LMBR1: variants seen among roughly 807,000 people sequenced by gnomAD.
LMBR1 encodes the protein limb region 1 protein homolog.
LMBR1 carries 52 observed loss-of-function variants against 73.9 expected under a neutral mutation model. The ratio of observed to expected loss-of-function variants is 0.70; its 90% CI spans 0.56 to 0.89. LMBR1 has a LOEUF of 0.89. LMBR1 is among the 40% of genes least tolerant of loss of function. The probability of loss-of-function intolerance (pLI) is 0.00; values close to 1 mark genes in which losing one functional copy is unlikely to be tolerated. For missense variants in LMBR1, 539 were observed against 579.8 expected (o/e 0.93, Z 0.72); for synonymous variants, 215 against 209.4 (o/e 1.03, Z -0.23).
At chr7:156,855,530 G>C (rs1355194613) in intron 1 of LMBR1, among the ~76,000 whole-genome samples, 1 of 151,924 alleles carries the variant, frequency 6.6e-6, no homozygotes, top group Non-Finnish European at 1.5e-5. Context: ...CATAACATAC[G>C]TAACAGGAAT....
intron 16 of LMBR1, 114 bp from the exon 17 acceptor site, chr7:156,684,277 G>A: frequency 1.2e-6 from 1 of 827,432 alleles, no homozygotes; most frequent in South Asian, 1.5e-5. Flanking sequence ...GGAAAGCTGT[G>A]AGGTGCTGGC....
intron 4 of LMBR1, among the ~76,000 whole-genome samples, chr7:156,818,766 A>G (rs951585535): frequency 2.0e-5 from 3 of 152,172 alleles, no homozygotes; most frequent in Non-Finnish European, 4.4e-5. Flanking sequence ...AGAGTTTCAT[A>G]TTTTCCTATT....
intron 1 of LMBR1, among the ~76,000 whole-genome samples, chr7:156,889,387 T>TA (rs899930187): frequency 2.0e-5 from 3 of 152,258 alleles, no homozygotes; most frequent in East Asian, 3.9e-4. Context: ...CTTATTATGA[T>TA]AAAAAAGTTA....
At chr7:156,722,933 G>C (rs1233790769) in intron 15 of LMBR1, among the ~76,000 whole-genome samples, 1 of 152,004 alleles carries the variant, frequency 6.6e-6, no homozygotes, top group East Asian at 1.9e-4. Context: ...TAGGTTGGCT[G>C]AAATATAACA....
At chr7:156,891,096 T>A (rs950821637) in intron 1 of LMBR1, among the ~76,000 whole-genome samples, 1 of 144,602 alleles carries the variant, frequency 6.9e-6, no homozygotes, top group Admixed American at 7.1e-5. Context: ...GAGGCTGAGG[T>A]AGGAGAATCA....
At chr7:156,770,301 G>A (rs573588356) in intron 5 of LMBR1, among the ~76,000 whole-genome samples, 8 of 151,966 alleles carry the variant, frequency 5.3e-5, no homozygotes, top group East Asian at 3.9e-4. Flanking sequence ...TTACAAGTGC[G>A]CACCACCCTG....
chr7:156,800,482 C>CAAAAAAAAAAAAAAAAAAAAA lies in LMBR1; in HGVS notation c.320-3991_320-3990insTTTTTTTTTTTTTTTTTTTTT, dbSNP rs1245017996. Reference sequence around the variant, plus strand: ...AAGCCTACTGTTAAGACTTGCTACTCAAAAAAAAAAAAAAAAAAGATTTTC... The same window carrying CAAAAAAAAAAAAAAAAAAAAA: ...AAGCCTACTGTTAAGACTTGCTACTCAAAAAAAAAAAAAAAAAAAAAAAAAAAAAAAAAAAAAAAGATTTTC... On this transcript the variant is annotated intron_variant, in intron 4 of 16. Coordinates refer to ENST00000353442, the MANE Select transcript of LMBR1 (RefSeq NM_022458.4). 1.9e-4 allele frequency among the ~76,000 whole-genome samples: 15 copies of CAAAAAAAAAAAAAAAAAAAAA among 81,018 alleles called. 1 individual carries two copies. Among genetic ancestry groups the CAAAAAAAAAAAAAAAAAAAAA allele is most frequent in the South Asian group, 4.5e-4 (1 of 2,228 alleles). The allele number at this position is 81,018 out of a possible 152,430, so 53.2% of individuals were successfully genotyped here.
In LMBR1 at chr7:156,734,257, C is replaced by T; in HGVS notation, c.758G>A (p.Gly253Glu). 6.3e-7 allele frequency: 1 copy of T among 1,595,716 alleles called. No homozygotes were observed. Among genetic ancestry groups the T allele is most frequent in the Non-Finnish European group, 8.5e-7 (1 of 1,173,558 alleles). ...GTTGTATTCCACCGATGAAGACAGC[C>T]CTGTTCAAAGCAAAAAATATTTAGA... ...EEEALQRRLN[G>E]LSSSVEYNIM... is the part of the protein sequence containing the mutation. The change falls in exon 10 of 17, where the codon GGG becomes GAG. Residue 253 changes from glycine to glutamate, a missense_variant and splice_region_variant. Gly to Glu is a moderately conservative substitution (Grantham distance 98). Transcript: ENST00000353442.
chr7:156,677,581 G>A (rs970112903), downstream of LMBR1, among the ~76,000 whole-genome samples: 3 of 152,208 alleles, frequency 2.0e-5, no homozygotes, highest in Non-Finnish European at 4.4e-5. Flanking sequence ...GCAGGGTGTA[G>A]GCCTAAGAGG....
At chr7:156,671,337 T>C (rs1802459566) in intron 4 of LMBR1, among the ~76,000 whole-genome samples, 1 of 152,166 alleles carries the variant, frequency 6.6e-6, no homozygotes, top group Admixed American at 6.5e-5. Context: ...AGTGTGTGTG[T>C]GAGTGTGGTA....
At chr7:156,877,397 A>G (rs889622194) in intron 1 of LMBR1, among the ~76,000 whole-genome samples, 5 of 152,198 alleles carry the variant, frequency 3.3e-5, no homozygotes, top group Non-Finnish European at 7.3e-5. Flanking sequence ...AAATCATTCT[A>G]TGAAGCCAGT....
chr7:156,784,607 G>C (rs1768092943), intron 5 of LMBR1, among the ~76,000 whole-genome samples: 1 of 152,204 alleles, frequency 6.6e-6, no homozygotes, highest in South Asian at 2.1e-4. Flanking sequence ...GGTCAAAGGA[G>C]AACTTGAGGA....
At chr7:156,734,488 CA>C (rs1817481657) in intron 9 of LMBR1, among the ~76,000 whole-genome samples, 2 of 152,026 alleles carry the variant, frequency 1.3e-5, no homozygotes, top group Non-Finnish European at 2.9e-5. Flanking sequence ...TATGGAGAGT[CA>C]GAAGGGAGAG....
intron 9 of LMBR1, among the ~76,000 whole-genome samples, chr7:156,752,175 C>T (rs1381661979): frequency 6.6e-6 from 1 of 152,132 alleles, no homozygotes; most frequent in Non-Finnish European, 1.5e-5. Context: ...ATAAGGACTA[C>T]GAAGTCACAG....
At chr7:156,772,294 A>T (rs1266228045) in intron 5 of LMBR1, among the ~76,000 whole-genome samples, 2 of 152,186 alleles carry the variant, frequency 1.3e-5, no homozygotes, top group Non-Finnish European at 2.9e-5. Context: ...CCACATGATC[A>T]TCTCAACGGA....
chr7:156,758,995 T>G (rs1169992857), intron 8 of LMBR1, among the ~76,000 whole-genome samples: 1 of 152,218 alleles, frequency 6.6e-6, no homozygotes, highest in Non-Finnish European at 1.5e-5. Flanking sequence ...TATACTCAAC[T>G]ACTATGGGCT....
At chr7:156,831,662 A>T (rs989916608) in intron 3 of LMBR1, among the ~76,000 whole-genome samples, 1 of 152,076 alleles carries the variant, frequency 6.6e-6, no homozygotes, top group Admixed American at 6.5e-5. Flanking sequence ...GGAAAACCCA[A>T]ACCCCTCGCA....
chr7:156,779,647 G>A (rs1826771647), intron 5 of LMBR1: 2 of 1,254,954 alleles, frequency 1.6e-6, no homozygotes, highest in South Asian at 1.3e-5. Flanking sequence ...AAATTACAAT[G>A]TACTTACAAA....
chr7:156,874,253 G>C (rs1283306583), intron 1 of LMBR1, among the ~76,000 whole-genome samples: 1 of 152,240 alleles, frequency 6.6e-6, no homozygotes, highest in African/African-American at 2.4e-5. Context: ...TGGGTGCTAA[G>C]TCCCTCATTG....
Sources: gnomAD v4.1 joint callset for allele counts (sites outside exome capture counted in the v4.1 genomes callset) on GRCh38, gnomAD v4.1.1 for gene constraint, MANE v1.5 for transcripts, NCBI Gene and HGNC (gene_info 2026-07-23, HGNC 2026-07-21) for gene names.